Variants in C5AR1 observed in about 807,000 individuals in gnomAD.
C5AR1 encodes the protein C5a anaphylatoxin chemotactic receptor 1.
Under a neutral mutation model 2.4 loss-of-function variants are expected in C5AR1, and 4 were observed. The observed-to-expected ratio is 1.65, with a 90% CI of 0.81 to 3.77. C5AR1 has a LOEUF of 3.77. Ranked by LOEUF, C5AR1 falls within the 30% of genes most tolerant of loss-of-function variation. The probability of loss-of-function intolerance (pLI) is 0.01; values close to 1 mark genes in which losing one functional copy is unlikely to be tolerated. For synonymous variants in C5AR1, 209 were observed against 210.4 expected (o/e 0.99, Z 0.06); for missense variants, 418 against 462.5 (o/e 0.90, Z 0.88).
At chr19:47,309,963 T>C in intron 1 of C5AR1, 65 bp downstream of exon 1, 2 of 1,552,470 alleles carry the variant, frequency 1.3e-6, no homozygotes, top group African/African-American at 1.4e-5. Flanking sequence ...TTTGCTCCAG[T>C]GGGTCCTTCT....
Position 47,320,428 on chromosome 19 carries a change from G to A in C5AR1, c.651G>A (p.Thr217=), listed in dbSNP as rs61733738. The A allele has an allele frequency of 4.7e-4, 752 of 1,611,108 alleles. 6 individuals are homozygous for A. The African/African-American group carries it at 7.5e-3, about 16-fold the overall frequency. ...TGGGCTTCCTGTGGCCTCTACTCACGCTCACGATTTGTTACACTTTCATCC... is the reference window on the plus strand; with the variant it reads ...TGGGCTTCCTGTGGCCTCTACTCACACTCACGATTTGTTACACTTTCATCC... ...LVLGFLWPLL[T]LTICYTFILL... Residue 217 remains threonine (T), a synonymous_variant, in exon 2 of 2, where the codon ACG becomes ACA. Transcript: ENST00000355085. This position sits in a 1 kb window ranked among gnomAD's most constrained non-coding sequence, Gnocchi z 4.9.
At chr19:47,316,029 A>G (rs575397233) in intron 1 of C5AR1, among the ~76,000 whole-genome samples, 65 of 149,670 alleles carry the variant, frequency 4.3e-4, no homozygotes, top group African/African-American at 1.5e-3. Context: ...TTTTTTAGAC[A>G]GAGTCTTGTT....
upstream of C5AR1, chr19:47,309,811 C>G: frequency 6.9e-7 from 1 of 1,444,878 alleles, no homozygotes; most frequent in Non-Finnish European, 9.6e-7. Flanking sequence ...TCATTTCCTC[C>G]CTGCATCTTC....
At chr19:47,313,354 G>A (rs996550733) in intron 1 of C5AR1, among the ~76,000 whole-genome samples, 1 of 152,012 alleles carries the variant, frequency 6.6e-6, no homozygotes, top group Non-Finnish European at 1.5e-5. Flanking sequence ...CTGACCTTTC[G>A]TTTCTGCTGT....
At chr19:47,310,073 C>T (rs990195610) in intron 1 of C5AR1, among the ~76,000 whole-genome samples, 175 bp downstream of exon 1, 1 of 152,154 alleles carries the variant, frequency 6.6e-6, no homozygotes, top group African/African-American at 2.4e-5. Flanking sequence ...ATCCCAGGCT[C>T]TCACACTCCA....
At chr19:47,310,960 CT>C (rs1381416153) in intron 1 of C5AR1, among the ~76,000 whole-genome samples, 2 of 152,190 alleles carry the variant, frequency 1.3e-5, no homozygotes. Flanking sequence ...CCTGTCATCC[CT>C]GCGTCTGGAG....
chr19:47,307,666 TTG>T (rs777454296), upstream of C5AR1: 1 of 152,146 alleles, frequency 6.6e-6, no homozygotes, highest in Non-Finnish European at 1.5e-5. Flanking sequence ...AGCCCGCAGT[TTG>T]TGCTAATTGG....
At chr19:47,309,154 A>G (rs562249369), upstream of C5AR1, among the ~76,000 whole-genome samples, 4 of 152,244 alleles carry the variant, frequency 2.6e-5, no homozygotes, top group South Asian at 2.1e-4. Flanking sequence ...TTGGGTCTCA[A>G]ATCAGCCTGG....
chr19:47,309,681 G>A (rs1022735428), upstream of C5AR1, among the ~76,000 whole-genome samples: 1 of 152,060 alleles, frequency 6.6e-6, no homozygotes, highest in Non-Finnish European at 1.5e-5. Flanking sequence ...TCCGAGCGCC[G>A]GCCCCCCTTC....
At chr19:47,308,258 A>G (rs2059259821), upstream of C5AR1, among the ~76,000 whole-genome samples, 1 of 149,462 alleles carries the variant, frequency 6.7e-6, no homozygotes, top group Non-Finnish European at 1.5e-5. Flanking sequence ...TGTTGTGAAC[A>G]GCGCATGTGA....
In C5AR1 at chr19:47,319,874, C is replaced by T; in HGVS notation, c.97C>T (p.Leu33=). 6.2e-7 allele frequency: 1 copy of T among 1,614,208 alleles called. No individual in the cohort carries two copies. The highest frequency in any genetic ancestry group is 1.1e-5 in the South Asian group (1 of 91,088). The change falls in exon 2 of 2, where the codon CTG becomes TTG. Residue 33 remains leucine (L), a synonymous_variant. Transcript: ENST00000355085. ...CCCTGTGGATAAAACTTCTAACACG[C>T]TGCGTGTTCCAGACATCCTGGCCTT... ...NTPVDKTSNT[L]RVPDILALVI...
chr19:47,310,014 T>C (rs1184665022), intron 1 of C5AR1, 116 bp downstream of exon 1: 37 of 1,041,990 alleles, frequency 3.6e-5, no homozygotes, highest in Non-Finnish European at 5.3e-5. Flanking sequence ...TGTCTCTCCC[T>C]TTCCTTCTCT....
rs544959566 is a variant in C5AR1, at chr19:47,318,482, C to T, written c.4-1299C>T. Among the ~76,000 whole-genome samples the T allele has an allele frequency of 4.3e-4, 66 of 151,886 alleles. 1 individual carries two copies. The highest frequency in any genetic ancestry group is 3.5e-3 in the South Asian group (17 of 4,794). ...CTAATTTTTGTATTTTTAGTAGAGA[C>T]GGGGTTTCACCATGTTGGCCAGGCT... On this transcript the variant is annotated intron_variant, in intron 1 of 1. Coordinates refer to ENST00000355085, the MANE Select transcript of C5AR1 (RefSeq NM_001736.4).
In C5AR1 at chr19:47,309,862, C is replaced by T. The variant is rs201549996; in HGVS notation, c.-34C>T. 8.9e-5 allele frequency: 143 copies of T among 1,611,756 alleles called. 1 individual carries two copies. In the South Asian group the frequency reaches 1.5e-3, roughly 17 times the overall value. ...AACCACAGCCCTTGGGCAGGAGGGA[C>T]CTTCGATCCTCGGGGAGCCCAGGAG... On this transcript the variant is annotated 5_prime_UTR_variant, in exon 1 of 2. Transcript: ENST00000355085.
In C5AR1 at chr19:47,319,842, T is replaced by C; in HGVS notation, c.65T>C (p.Leu22Pro). ...TATGATGACAAGGATACCCTGGACC[T>C]CAACACCCCTGTGGATAAAACTTCT... ...GHYDDKDTLDLNTPVDKTSNT... is the reference protein window; with the variant it reads ...GHYDDKDTLDPNTPVDKTSNT... Residue 22 changes from leucine to proline, a missense_variant, in exon 2 of 2, where the codon CTC becomes CCC. Physicochemically the swap from Leu to Pro is moderately conservative, Grantham distance 98. Coordinates refer to ENST00000355085, the MANE Select transcript of C5AR1 (RefSeq NM_001736.4). The C allele has an allele frequency of 1.2e-6, 2 of 1,614,094 alleles. No individual in the cohort carries two copies. Among genetic ancestry groups the C allele is most frequent in the Non-Finnish European group, 1.7e-6 (2 of 1,179,948 alleles).
chr19:47,319,774 C>T lies in C5AR1; in HGVS notation c.4-7C>T, dbSNP rs200429844. 6.4e-7 allele frequency: 1 copy of T among 1,574,384 alleles called. No homozygotes were observed. The highest frequency in any genetic ancestry group is 1.3e-5 in the African/African-American group (1 of 74,314). On this transcript the variant is annotated splice_region_variant and splice_polypyrimidine_tract_variant and intron_variant, in intron 1 of 1. Transcript: ENST00000355085. The stretch of plus-strand genomic sequence containing the variant: ...TCATCCTCTCTGCTCTCTCCGATTC[C>T]CCTTAGGACTCCTTCAATTATACCA...
intron 1 of C5AR1, among the ~76,000 whole-genome samples, chr19:47,316,000 C>A (rs978933431): frequency 4.2e-5 from 4 of 95,334 alleles, no homozygotes; most frequent in African/African-American, 1.3e-4. Context: ...TCCATCCATC[C>A]GTTATCTAGC....
At position 47,321,177 on chromosome 19, in the gene C5AR1, G is replaced by C; in HGVS notation, c.*347G>C. 1 of 100,276 alleles carries C rather than the reference G, an allele frequency of 1.0e-5. No homozygotes were observed. Among genetic ancestry groups the C allele is most frequent in the Non-Finnish European group, 1.9e-5 (1 of 53,388 alleles). 6.2% of individuals were successfully genotyped at this position (100,276 alleles called of 1,614,324 possible). A position where few individuals can be genotyped will look rare whatever the true frequency, so the allele number is the denominator to read the frequency against. ...AACAGGGAACTCAGAATACAGACAA[G>C]TAGAAAGATTCTCGCTTAAAAAAAA... On this transcript the variant is annotated 3_prime_UTR_variant, in exon 2 of 2. Coordinates refer to ENST00000355085, the MANE Select transcript of C5AR1 (RefSeq NM_001736.4).
intron 1 of C5AR1, among the ~76,000 whole-genome samples, chr19:47,311,234 A>G (rs1160849000): frequency 6.6e-6 from 1 of 151,672 alleles, no homozygotes; most frequent in Admixed American, 6.6e-5. Flanking sequence ...ATTCTCGGCC[A>G]GGCGCGGTGG....
Sources: allele counts gnomAD v4.1 joint callset (sites outside exome capture counted in the v4.1 genomes callset), GRCh38; gene constraint gnomAD v4.1.1; non-coding constraint Gnocchi (gnomAD v3.1); transcripts MANE v1.5; gene names NCBI Gene and HGNC (gene_info 2026-07-23, HGNC 2026-07-21).